Variants in OTUD7A observed in about 807,000 individuals in gnomAD.
OTUD7A encodes OTU domain-containing protein 7A.
A neutral mutation model predicts 65.7 loss-of-function variants in OTUD7A; 12 were observed. The ratio of observed to expected loss-of-function variants is 0.18; its 90% CI spans 0.12 to 0.30. The LOEUF is 0.30. OTUD7A is among the 10% of genes least tolerant of loss of function. The pLI is 1.00. For synonymous variants in OTUD7A, 641 were observed against 586.3 expected (o/e 1.09, Z -1.35); for missense variants, 1,148 against 1,304.8 (o/e 0.88, Z 1.85).
chr15:31,497,377 G>A (rs1366677302), intron 10 of OTUD7A, among the ~76,000 whole-genome samples: 1 of 151,950 alleles, frequency 6.6e-6, no homozygotes, highest in African/African-American at 2.4e-5. Flanking sequence ...AGCCTCCTGA[G>A]TAGCTGGGAT....
chr15:31,751,206 T>G (rs1894625023), intron 1 of OTUD7A, among the ~76,000 whole-genome samples: 1 of 151,860 alleles, frequency 6.6e-6, no homozygotes, highest in Non-Finnish European at 1.5e-5. Flanking sequence ...CTATAAGGAA[T>G]GCAAACAAAT....
chr15:31,849,279 C>T (rs561117020), intron 1 of OTUD7A, among the ~76,000 whole-genome samples: 14 of 152,248 alleles, frequency 9.2e-5, no homozygotes, highest in Admixed American at 7.8e-4. Flanking sequence ...CTTTGACAAA[C>T]CTGACAAAAA....
At chr15:31,514,366 A>G (rs2041811021) in intron 8 of OTUD7A, among the ~76,000 whole-genome samples, 1 of 151,958 alleles carries the variant, frequency 6.6e-6, no homozygotes, top group Non-Finnish European at 1.5e-5. Flanking sequence ...CATTTCTTAG[A>G]GCACTTTCTT....
rs188036888 is a variant in OTUD7A at position 31,673,243 on chromosome 15, C to G, written c.-99-16166G>C. Among the ~76,000 whole-genome samples the G allele has an allele frequency of 1.4e-3, 215 of 152,290 alleles. 1 individual carries two copies. Among genetic ancestry groups the G allele is most frequent in the African/African-American group, 4.9e-3 (205 of 41,558 alleles). The stretch of plus-strand genomic sequence containing the variant: ...ATCCTAAAGTTAGAAAATCCTAAGT[C>G]CAACCATTCTAAATTTGGACTAGTT... On this transcript the variant is annotated intron_variant, in intron 1 of 12. Transcript: ENST00000307050.
intron 12 of OTUD7A, among the ~76,000 whole-genome samples, chr15:31,485,854 G>T (rs2041229351): frequency 5.9e-5 from 9 of 152,140 alleles, no homozygotes; most frequent in Admixed American, 5.9e-4. Context: ...ACTCTCCTGT[G>T]ACCAGGTCAC....
At chr15:31,730,657 G>A (rs1035247211) in intron 1 of OTUD7A, among the ~76,000 whole-genome samples, 1 of 152,202 alleles carries the variant, frequency 6.6e-6, no homozygotes, top group African/African-American at 2.4e-5. Context: ...GCAGTTGGGT[G>A]GAGATGACCT....
intron 1 of OTUD7A, among the ~76,000 whole-genome samples, chr15:31,719,021 TC>T (rs1369285584): frequency 1.3e-5 from 2 of 152,188 alleles, no homozygotes; most frequent in South Asian, 2.1e-4. Flanking sequence ...GGTCATTTTT[TC>T]CCATTGTTTT....
chr15:31,659,024 T>A lies in OTUD7A; in HGVS notation c.-99-1947A>T, dbSNP rs184858984. 2.2e-4 allele frequency among the ~76,000 whole-genome samples: 23 copies of A among 102,668 alleles called. No individual in the cohort carries two copies. The South Asian group carries it at 6.2e-3, about 28-fold the overall frequency. 67.4% of individuals were successfully genotyped at this position (102,668 alleles called of 152,430 possible). On this transcript the variant is annotated intron_variant, in intron 1 of 12. Coordinates refer to ENST00000307050, the MANE Select transcript of OTUD7A (RefSeq NM_001382637.1). ...TCCAGCCTGGGCATGAATGAATGAA[T>A]GAATGAATGAATGAATGAATAAATA...
At chr15:31,523,497 T>A (rs563715589) in intron 8 of OTUD7A, among the ~76,000 whole-genome samples, 111 of 152,302 alleles carry the variant, frequency 7.3e-4, no homozygotes, top group African/African-American at 2.4e-3. Context: ...CCCTCAGCCC[T>A]GGCCTCAGGG....
intron 1 of OTUD7A, among the ~76,000 whole-genome samples, chr15:31,657,732 T>G (rs967644107): frequency 6.6e-6 from 1 of 152,144 alleles, no homozygotes; most frequent in African/African-American, 2.4e-5. Flanking sequence ...CATGATGATA[T>G]GGGAGGGACT....
chr15:31,844,450 T>C (rs1897254649), intron 1 of OTUD7A, among the ~76,000 whole-genome samples: 1 of 152,232 alleles, frequency 6.6e-6, no homozygotes, highest in South Asian at 2.1e-4. Context: ...TAAGCCGAGA[T>C]TGCACCACTG....
chr15:31,660,248 C>T (rs9920667), intron 1 of OTUD7A, among the ~76,000 whole-genome samples: 2,627 of 152,314 alleles, frequency 0.017, 36 homozygotes, highest in Non-Finnish European at 0.027. Flanking sequence ...GATCAGATGC[C>T]TGGGCTCCCG....
At chr15:31,510,377 G>GC (rs2041667711) in intron 8 of OTUD7A, among the ~76,000 whole-genome samples, 1 of 150,170 alleles carries the variant, frequency 6.7e-6, no homozygotes, top group African/African-American at 2.4e-5. Flanking sequence ...TGGTGTTTTT[G>GC]CTTTTTTTTT....
At chr15:31,617,379 T>C (rs1257695835) in intron 3 of OTUD7A, among the ~76,000 whole-genome samples, 1 of 151,786 alleles carries the variant, frequency 6.6e-6, no homozygotes, top group Non-Finnish European at 1.5e-5. Context: ...CCCAGCTACT[T>C]GGGAGGCTGA....
chr15:31,798,336 C>T (rs937988626), intron 1 of OTUD7A, among the ~76,000 whole-genome samples: 1 of 152,136 alleles, frequency 6.6e-6, no homozygotes, highest in Non-Finnish European at 1.5e-5. Context: ...TGCTGTCCTG[C>T]ATACAGTTCA....
At chr15:31,820,866 C>T (rs1245580060) in intron 1 of OTUD7A, among the ~76,000 whole-genome samples, 3 of 152,160 alleles carry the variant, frequency 2.0e-5, no homozygotes, top group Non-Finnish European at 2.9e-5. Flanking sequence ...AGTATATTCA[C>T]AGAGTTGTGC....
At chr15:31,751,672 A>C (rs1313563183) in intron 1 of OTUD7A, among the ~76,000 whole-genome samples, 1 of 152,240 alleles carries the variant, frequency 6.6e-6, no homozygotes, top group African/African-American at 2.4e-5. Context: ...CTAGATGCCC[A>C]TCAGTGATGG....
At chr15:31,808,852 G>A (rs996893198) in intron 1 of OTUD7A, among the ~76,000 whole-genome samples, 24 of 152,380 alleles carry the variant, frequency 1.6e-4, no homozygotes, top group African/African-American at 5.5e-4. Context: ...CTGGACTGAA[G>A]GAGTCCAACT....
At chr15:31,820,286 C>T (rs1226907461) in intron 1 of OTUD7A, among the ~76,000 whole-genome samples, 1 of 152,208 alleles carries the variant, frequency 6.6e-6, no homozygotes, top group Non-Finnish European at 1.5e-5. Flanking sequence ...ATGTATCCCA[C>T]TTAAACAATC....
Sources: gnomAD v4.1 joint callset for allele counts (sites outside exome capture counted in the v4.1 genomes callset) on GRCh38, gnomAD v4.1.1 for gene constraint, MANE v1.5 for transcripts, NCBI Gene and HGNC (gene_info 2026-07-23, HGNC 2026-07-21) for gene names.